Variants in CLEC2L observed in about 807,000 individuals in gnomAD.
CLEC2L encodes the protein C-type lectin domain family 2 member L.
In CLEC2L, 14 loss-of-function variants were observed where a neutral mutation model predicts 23.6. The ratio of observed to expected loss-of-function variants is 0.59; its 90% CI spans 0.39 to 0.93. The LOEUF (loss-of-function observed/expected upper bound fraction) is 0.93. CLEC2L is among the 40% of genes least tolerant of loss of function. The pLI is 0.00. For missense variants in CLEC2L, 264 were observed against 282.4 expected, an observed-to-expected ratio of 0.93 and a Z score of 0.47; for synonymous variants, 114 against 121.3, an observed-to-expected ratio of 0.94 and a Z score of 0.40.
At chr7:139,538,533 G>A (rs1797691332) in intron 2 of CLEC2L, among the ~76,000 whole-genome samples, 1 of 151,766 alleles carries the variant, frequency 6.6e-6, no homozygotes, top group Non-Finnish European at 1.5e-5. Flanking sequence ...TGGATCACAA[G>A]GTCAGGAGTT....
chr7:139,528,251 G>A (rs916267802), intron 1 of CLEC2L, among the ~76,000 whole-genome samples: 1 of 152,164 alleles, frequency 6.6e-6, no homozygotes, highest in Non-Finnish European at 1.5e-5. Flanking sequence ...GTTAAGATGA[G>A]GTCAGACTGG....
rs1299780289 is a variant in CLEC2L, at chr7:139,540,299, C to T, written c.266-22C>T. On this transcript the variant is annotated intron_variant, in intron 2 of 4. Transcript: ENST00000422142. This position sits in a 1 kb window ranked among gnomAD's most constrained non-coding sequence, Gnocchi z 5.8. ...CTCGGGCTGGGGGGGCGGGCAGGGC[C>T]GAGCTGGTCTCTTCCCTGCAGCTTC... 2.5e-6 allele frequency: 4 copies of T among 1,588,282 alleles called. No homozygotes were observed. Among genetic ancestry groups the T allele is most frequent in the Admixed American group, 3.5e-5 (2 of 57,402 alleles).
chr7:139,544,248 C>G lies in CLEC2L; in HGVS notation c.551C>G (p.Pro184Arg). Residue 184 changes from proline to arginine, a missense_variant, in exon 5 of 5, where the codon CCA (proline) becomes CGA (arginine). Transcript: ENST00000422142. ...FDPDTFTIAG[P>R]GECVFVEPTR... ...GGCCACAGGTTCACCATCGCAGGTCCAGGGGAGTGTGTCTTCGTGGAGCCC... is the reference window on the plus strand; with the variant it reads ...GGCCACAGGTTCACCATCGCAGGTCGAGGGGAGTGTGTCTTCGTGGAGCCC... The G allele has an allele frequency of 6.2e-7, 1 of 1,613,162 alleles. No individual in the cohort carries two copies. Among genetic ancestry groups the G allele is most frequent in the Non-Finnish European group, 8.5e-7 (1 of 1,179,468 alleles).
chr7:139,544,621 G>A lies in CLEC2L; in HGVS notation c.*279G>A. The A allele has an allele frequency of 2.3e-6, 1 of 439,770 alleles. No individual in the cohort carries two copies. Among genetic ancestry groups the A allele is most frequent in the East Asian group, 4.1e-5 (1 of 24,352 alleles). The allele number at this position is 439,770 out of a possible 1,614,324, so 27.2% of individuals were successfully genotyped here. On this transcript the variant is annotated 3_prime_UTR_variant, in exon 5 of 5. Transcript: ENST00000422142. Reference sequence around the variant, plus strand: ...CACACACACACATGCATAGGTACACGCACGCACAGACGCTGTCCCTTCTGA... The same window carrying A: ...CACACACACACATGCATAGGTACACACACGCACAGACGCTGTCCCTTCTGA...
chr7:139,527,830 G>A (rs148352594), intron 1 of CLEC2L, among the ~76,000 whole-genome samples: 1 of 152,278 alleles, frequency 6.6e-6, no homozygotes, highest in East Asian at 1.9e-4. Flanking sequence ...CCACACACAT[G>A]CTTTTAGCCT....
At chr7:139,542,296 C>T (rs1797747148) in intron 4 of CLEC2L, among the ~76,000 whole-genome samples, 175 bp downstream of exon 4, 1 of 152,134 alleles carries the variant, frequency 6.6e-6, no homozygotes, top group African/African-American at 2.4e-5. Context: ...TGTACTTCTC[C>T]CTCTCTCATA....
chr7:139,537,991 G>T (rs879904445), intron 2 of CLEC2L, among the ~76,000 whole-genome samples: 1 of 152,222 alleles, frequency 6.6e-6, no homozygotes, highest in Non-Finnish European at 1.5e-5. Flanking sequence ...AATGATTTTA[G>T]TGCCTCTGTC....
At chr7:139,525,829 G>T (rs569516901) in intron 1 of CLEC2L, among the ~76,000 whole-genome samples, 7 of 152,172 alleles carry the variant, frequency 4.6e-5, no homozygotes, top group African/African-American at 1.4e-4. Context: ...CCCCACTGTG[G>T]CTGGGCTGCC....
chr7:139,527,324 C>A (rs1797519842), intron 1 of CLEC2L, among the ~76,000 whole-genome samples: 1 of 152,152 alleles, frequency 6.6e-6, no homozygotes, highest in Non-Finnish European at 1.5e-5. Flanking sequence ...TGGGGATCAT[C>A]AAATTCCCAC....
Position 139,540,482 on chromosome 7 carries a change from G to GAGCT in CLEC2L, c.428_431dup (p.Glu145AlafsTer32), listed in dbSNP as rs1251684628. 6.3e-7 allele frequency: 1 copy of GAGCT among 1,588,120 alleles called. No individual in the cohort carries two copies. On this transcript the variant is annotated frameshift_variant, in exon 3 of 5. Coordinates refer to ENST00000422142, the MANE Select transcript of CLEC2L (RefSeq NM_001080511.4). LOFTEE classifies it high-confidence loss of function. This position sits in a 1 kb window ranked among gnomAD's most constrained non-coding sequence, Gnocchi z 5.8. ...GCTGGCTGTGATTCAGAGCCAGAAG[G>GAGCT]AGCTGGTGAGTGTGCCAAGGTGAAG...
At chr7:139,544,193 C>A in intron 4 of CLEC2L, 38 bp from the exon 5 acceptor site, 1 of 1,517,076 alleles carries the variant, frequency 6.6e-7, no homozygotes, top group Non-Finnish European at 9.1e-7. Flanking sequence ...GCTGAATGTT[C>A]CAGATCATAA....
rs1007967071 is a variant in CLEC2L at position 139,544,449 on chromosome 7, G to C, written c.*107G>C. On this transcript the variant is annotated 3_prime_UTR_variant, in exon 5 of 5. Transcript: ENST00000422142. ...CCGCCTGCCCTCTGCAAGGCGAAGC[G>C]GTGGGTGCGTGGCCTCCGCCCCAGG... is the stretch of plus-strand genomic sequence containing the variant. 2.3e-5 allele frequency: 18 copies of C among 789,526 alleles called. No homozygotes were observed. The African/African-American group carries it at 2.9e-4, about 13-fold the overall frequency. 48.9% of individuals were successfully genotyped at this position (789,526 alleles called of 1,614,324 possible).
rs1364047045 is a variant in CLEC2L at position 139,523,902 on chromosome 7, G to GGGCGC, written c.-16_-12dup. ...GCCCCGCACCCCGGTGCAGGAGCGC[G>GGGCGC]GGCGCGGCGCGGCGGAGCGCCCCGC... On this transcript the variant is annotated 5_prime_UTR_variant, in exon 1 of 5. Coordinates refer to ENST00000422142, the MANE Select transcript of CLEC2L (RefSeq NM_001080511.4). This position sits in a 1 kb window ranked among gnomAD's most constrained non-coding sequence, Gnocchi z 4.1. The GGGCGC allele has an allele frequency of 5.1e-6, 5 of 978,350 alleles. No homozygotes were observed. The highest frequency in any genetic ancestry group is 1.1e-4 in the East Asian group (1 of 8,728). 60.6% of individuals were successfully genotyped at this position (978,350 alleles called of 1,614,324 possible). A position where few individuals can be genotyped will look rare whatever the true frequency, so the allele number is the denominator to read the frequency against.
intron 1 of CLEC2L, among the ~76,000 whole-genome samples, chr7:139,527,596 C>T (rs1413994162): frequency 6.6e-6 from 1 of 152,118 alleles, no homozygotes; most frequent in African/African-American, 2.4e-5. Flanking sequence ...GAAAAGGTGA[C>T]CCGGAGAGCC....
rs760384381 is a variant in CLEC2L at position 139,544,279 on chromosome 7, G to T, written c.582G>T (p.Arg194Ser). ...AGTGTGTCTTCGTGGAGCCCACCAG[G>T]CTGGTGTCGACGGAGTGTCTGATGA... is the stretch of plus-strand genomic sequence containing the variant. ...PGECVFVEPT[R>S]LVSTECLMTR... Residue 194 changes from arginine (R) to serine (S), a missense_variant, in exon 5 of 5, where the codon AGG becomes AGT. Arg to Ser is a moderately radical substitution (Grantham distance 110, BLOSUM62 -1). Transcript: ENST00000422142. 1.2e-6 allele frequency: 2 copies of T among 1,613,636 alleles called. No homozygotes were observed. The highest frequency in any genetic ancestry group is 2.2e-5 in the South Asian group (2 of 90,980).
At chr7:139,534,962 A>T (rs77955887) in intron 1 of CLEC2L, among the ~76,000 whole-genome samples, 1 of 112,650 alleles carries the variant, frequency 8.9e-6, no homozygotes, top group South Asian at 2.4e-4. Context: ...GTTCTTTAGT[A>T]AAAAAAAAAA....
chr7:139,524,679 C>T (rs943764079), intron 1 of CLEC2L, among the ~76,000 whole-genome samples: 49 of 152,150 alleles, frequency 3.2e-4, no homozygotes, highest in African/African-American at 1.1e-3. Flanking sequence ...GGGAGGGACC[C>T]CTGGCCTGCC....
intron 3 of CLEC2L, among the ~76,000 whole-genome samples, chr7:139,541,763 A>G (rs1281034468): frequency 6.6e-6 from 1 of 152,236 alleles, no homozygotes; most frequent in African/African-American, 2.4e-5. Flanking sequence ...ATGCACACAC[A>G]GCCAGGGTCC....
In CLEC2L at chr7:139,523,799, C is replaced by T; in HGVS notation, c.-129C>T. 7.8e-6 allele frequency: 4 copies of T among 511,060 alleles called. No homozygotes were observed. Among genetic ancestry groups the T allele is most frequent in the South Asian group, 1.7e-4 (2 of 12,008 alleles). The allele number at this position is 511,060 out of a possible 1,614,324, so 31.7% of individuals were successfully genotyped here. A position where few individuals can be genotyped will look rare whatever the true frequency, so the allele number is the denominator to read the frequency against. ...GCCGGGCTCAGCCCCGGCCTGCCAG[C>T]GCCGCGGTCCTAGCCCACCCGAGGC... On this transcript the variant is annotated 5_prime_UTR_variant, in exon 1 of 5. Coordinates refer to ENST00000422142, the MANE Select transcript of CLEC2L (RefSeq NM_001080511.4). This position sits in a 1 kb window ranked among gnomAD's most constrained non-coding sequence, Gnocchi z 4.1.
Sources: allele counts gnomAD v4.1 joint callset (sites outside exome capture counted in the v4.1 genomes callset), GRCh38; gene constraint gnomAD v4.1.1; non-coding constraint Gnocchi (gnomAD v3.1); transcripts MANE v1.5; gene names NCBI Gene and HGNC (gene_info 2026-07-23, HGNC 2026-07-21).